Variants in RBPJ observed in about 807,000 individuals in gnomAD.
RBPJ encodes recombination signal binding protein for immunoglobulin kappa J region.
A neutral mutation model predicts 67.8 loss-of-function variants in RBPJ; 9 were observed. That is an observed-to-expected ratio of 0.13 (90% confidence interval 0.08 to 0.23). The LOEUF (loss-of-function observed/expected upper bound fraction) is 0.23. Ranked by LOEUF, RBPJ falls within the 10% of genes least tolerant of loss-of-function variation. The pLI is 1.00. For synonymous variants in RBPJ, 198 were observed against 203.3 expected (o/e 0.97, Z 0.22); for missense variants, 305 against 595.6 (o/e 0.51, Z 5.08).
intron 1 of RBPJ, among the ~76,000 whole-genome samples, chr4:26,230,067 A>G (rs1336526618): frequency 6.6e-6 from 1 of 151,942 alleles, no homozygotes; most frequent in Non-Finnish European, 1.5e-5. Context: ...GCGTGCACCT[A>G]TAATCTCAGC....
intron 1 of RBPJ, among the ~76,000 whole-genome samples, chr4:26,213,941 A>C (rs1231728382): frequency 6.6e-6 from 1 of 152,156 alleles, no homozygotes; most frequent in African/African-American, 2.4e-5. Flanking sequence ...GGGGAAAATA[A>C]GGGTGTGGCT....
intron 7 of RBPJ, among the ~76,000 whole-genome samples, chr4:26,428,344 T>C (rs1200574766): frequency 6.6e-6 from 1 of 152,214 alleles, no homozygotes; most frequent in East Asian, 1.9e-4. Context: ...TTGTTAGAAA[T>C]GCAGAATATC....
intron 1 of RBPJ, among the ~76,000 whole-genome samples, chr4:26,294,360 G>C (rs1486695264): frequency 2.0e-5 from 3 of 152,178 alleles, no homozygotes; most frequent in Non-Finnish European, 4.4e-5. Flanking sequence ...GCCTCCCAAA[G>C]TGCTGGGAAT....
chr4:26,136,791 T>C, the RBPJ span, among the ~76,000 whole-genome samples: 1 of 152,158 alleles, frequency 6.6e-6, no homozygotes, highest in Non-Finnish European at 1.5e-5. Flanking sequence ...ACTTAGCATA[T>C]CTAACTTCCT....
At chr4:26,279,613 T>G (rs1032673356) in intron 1 of RBPJ, among the ~76,000 whole-genome samples, 5 of 152,092 alleles carry the variant, frequency 3.3e-5, no homozygotes, top group South Asian at 4.1e-4. Context: ...ATTCCCGTGG[T>G]TGCTTACATT....
At chr4:26,183,967 G>A (rs1489618434) in intron 1 of RBPJ, among the ~76,000 whole-genome samples, 1 of 151,956 alleles carries the variant, frequency 6.6e-6, no homozygotes, top group Non-Finnish European at 1.5e-5. Flanking sequence ...AGCTGAGATC[G>A]CATCACTGCA....
chr4:26,274,604 T>G (rs1721017655), intron 1 of RBPJ, among the ~76,000 whole-genome samples: 1 of 151,926 alleles, frequency 6.6e-6, no homozygotes, highest in Admixed American at 6.6e-5. Context: ...CATTCCAGCC[T>G]GGGTGATAGA....
upstream of RBPJ, among the ~76,000 whole-genome samples, chr4:26,158,654 T>C (rs1716019258): frequency 6.6e-6 from 1 of 152,248 alleles, no homozygotes; most frequent in Admixed American, 6.5e-5. Flanking sequence ...GGCTCAATTT[T>C]CTGCCTACTT....
intron 1 of RBPJ, among the ~76,000 whole-genome samples, chr4:26,181,893 T>C (rs745985167): frequency 2.0e-5 from 3 of 152,240 alleles, no homozygotes; most frequent in Non-Finnish European, 2.9e-5. Context: ...GGTGAGTGAA[T>C]GTGAAGGCCT....
chr4:26,392,452 T>C (rs1450950162), intron 2 of RBPJ, among the ~76,000 whole-genome samples: 1 of 152,224 alleles, frequency 6.6e-6, no homozygotes, highest in East Asian at 1.9e-4. Flanking sequence ...AATTGTAGTG[T>C]ATTCTACAGT....
intron 1 of RBPJ, among the ~76,000 whole-genome samples, chr4:26,218,986 C>G (rs1242090586): frequency 6.6e-6 from 1 of 152,216 alleles, no homozygotes; most frequent in Non-Finnish European, 1.5e-5. Flanking sequence ...TCAGGGCTAT[C>G]CAGCCCCTAG....
upstream of RBPJ, chr4:26,320,698 A>C (rs200707132): frequency 1.9e-4 from 296 of 1,520,984 alleles, 1 homozygote; most frequent in East Asian, 3.0e-3. Flanking sequence ...GGTTTTCCTC[A>C]GTCTCCACGT....
At chr4:26,258,010 G>T (rs1052892604) in intron 1 of RBPJ, among the ~76,000 whole-genome samples, 1 of 152,216 alleles carries the variant, frequency 6.6e-6, no homozygotes, top group African/African-American at 2.4e-5. Flanking sequence ...ATGTGAGTTA[G>T]ATTATTTCTG....
chr4:26,396,235 A>G (rs1398623067), intron 2 of RBPJ, among the ~76,000 whole-genome samples: 1 of 152,254 alleles, frequency 6.6e-6, no homozygotes, highest in African/African-American at 2.4e-5. Flanking sequence ...TAATACATGA[A>G]CTTTGCTGTT....
chr4:26,151,332 C>G, the RBPJ span, among the ~76,000 whole-genome samples: 3 of 152,180 alleles, frequency 2.0e-5, no homozygotes, highest in Non-Finnish European at 4.4e-5. Context: ...CCCAAGTAAT[C>G]TAACTTTCTC....
chr4:26,163,034 G>A (rs551983923), upstream of RBPJ, among the ~76,000 whole-genome samples: 9 of 152,272 alleles, frequency 5.9e-5, no homozygotes, highest in African/African-American at 1.9e-4. Context: ...TGACATCACC[G>A]TACCTCAACT....
chr4:26,287,604 G>GA (rs1721519389), intron 1 of RBPJ, among the ~76,000 whole-genome samples: 1 of 17,090 alleles, frequency 5.9e-5, no homozygotes, highest in Non-Finnish European at 1.6e-4. Flanking sequence ...GGGAGGGGAG[G>GA]GGAGGGGAGG....
chr4:26,113,817 CA>C, the RBPJ span: 1 of 226,266 alleles, frequency 4.4e-6, no homozygotes. Context: ...CACACAAGGC[CA>C]AAAGGTCTTT....
At chr4:26,353,865 GC>G (rs1467761668) in intron 1 of RBPJ, among the ~76,000 whole-genome samples, 1 of 151,674 alleles carries the variant, frequency 6.6e-6, no homozygotes, top group Non-Finnish European at 1.5e-5. Flanking sequence ...GCCTGCCTTG[GC>G]CTCCCAAAGT....
Sources: allele counts gnomAD v4.1 joint callset (sites outside exome capture counted in the v4.1 genomes callset), GRCh38; gene constraint gnomAD v4.1.1; transcripts MANE v1.5; gene names NCBI Gene and HGNC (gene_info 2026-07-23, HGNC 2026-07-21).